The following COA1 variants were observed in gnomAD, a reference collection of about 807,000 sequenced individuals.
COA1 encodes the protein cytochrome c oxidase assembly factor 1.
In COA1, 13 loss-of-function variants were observed where a neutral mutation model predicts 16.0. The ratio of observed to expected loss-of-function variants is 0.81; its 90% CI spans 0.53 to 1.29. The LOEUF (loss-of-function observed/expected upper bound fraction) is 1.29. COA1 is among the 50% of genes most tolerant of loss of function. The pLI is 0.00. For synonymous variants in COA1, 65 were observed against 65.7 expected (o/e 0.99, Z 0.05); for missense variants, 179 against 177.0 (o/e 1.01, Z -0.06).
chr7:43,629,427 C>T (rs1173659130), intron 6 of COA1, among the ~76,000 whole-genome samples: 2 of 152,196 alleles, frequency 1.3e-5, no homozygotes, highest in Non-Finnish European at 2.9e-5. Context: ...CCATTTACTT[C>T]ATTTTTTCTC....
intron 2 of COA1, 95 bp downstream of exon 2, chr7:43,648,505 C>T (rs774375583): frequency 1.5e-6 from 2 of 1,293,936 alleles, no homozygotes; most frequent in South Asian, 2.4e-5. Flanking sequence ...AGGAGAAGCC[C>T]ATAACTATTC....
chr7:43,723,085 A>C (rs976530019), intron 1 of COA1, among the ~76,000 whole-genome samples: 1 of 152,232 alleles, frequency 6.6e-6, no homozygotes, highest in Non-Finnish European at 1.5e-5. Context: ...GACCTTATGA[A>C]AGCTGTTGCA....
chr7:43,638,019 G>C (rs943794735), downstream of COA1, among the ~76,000 whole-genome samples: 2 of 152,148 alleles, frequency 1.3e-5, no homozygotes, highest in East Asian at 1.9e-4. Flanking sequence ...GCACAAAACT[G>C]TACAGTGCTC....
chr7:43,638,749 G>C (rs904572056), downstream of COA1: 1 of 151,782 alleles, frequency 6.6e-6, no homozygotes, highest in African/African-American at 2.4e-5. Context: ...CTAATTTTTT[G>C]TATTTTCAGT....
chr7:43,657,093 GTAATA>G (rs947839689), intron 1 of COA1: 1 of 152,112 alleles, frequency 6.6e-6, no homozygotes, highest in African/African-American at 2.4e-5. Context: ...GAGAATTTGA[GTAATA>G]TAGTTTTTAC....
At chr7:43,722,584 G>C (rs1185409760) in intron 1 of COA1, among the ~76,000 whole-genome samples, 1 of 151,564 alleles carries the variant, frequency 6.6e-6, no homozygotes, top group Non-Finnish European at 1.5e-5. Flanking sequence ...TGTATTTTTA[G>C]TAGAGACGGG....
chr7:43,652,365 G>C (rs1305170490), intron 1 of COA1, among the ~76,000 whole-genome samples: 2 of 152,068 alleles, frequency 1.3e-5, no homozygotes, highest in African/African-American at 4.8e-5. Flanking sequence ...TACGGACCAG[G>C]CACCATGCAA....
At chr7:43,648,454 T>A (rs2090040344) in intron 2 of COA1, 146 bp downstream of exon 2, 5 of 846,884 alleles carry the variant, frequency 5.9e-6, no homozygotes, top group Middle Eastern at 2.2e-4. Flanking sequence ...AAAATGCCCA[T>A]CCCTCCTGTG....
chr7:43,681,212 C>T (rs2093756377), intron 1 of COA1, among the ~76,000 whole-genome samples: 1 of 152,172 alleles, frequency 6.6e-6, no homozygotes, highest in Non-Finnish European at 1.5e-5. Context: ...CCATTTTCTG[C>T]AGGATCAGCT....
At chr7:43,715,536 A>C (rs546298759) in intron 1 of COA1, among the ~76,000 whole-genome samples, 5 of 151,998 alleles carry the variant, frequency 3.3e-5, no homozygotes, top group African/African-American at 1.2e-4. Context: ...CTTAATGATT[A>C]ACTATTTTGG....
At chr7:43,674,642 T>G (rs571321947) in intron 1 of COA1, among the ~76,000 whole-genome samples, 1 of 152,342 alleles carries the variant, frequency 6.6e-6, no homozygotes, top group African/African-American at 2.4e-5. Context: ...ATAATTTTAG[T>G]CTGATGTAAT....
intron 1 of COA1, among the ~76,000 whole-genome samples, chr7:43,694,691 GCTCACTCTGGA>G (rs1383582821): frequency 6.6e-6 from 1 of 152,056 alleles, no homozygotes; most frequent in Non-Finnish European, 1.5e-5. Flanking sequence ...ATAGCCCAGG[GCTCACTCTGGA>G]CTTTCTCTTC....
downstream of COA1, among the ~76,000 whole-genome samples, chr7:43,637,643 T>C (rs996950104): frequency 2.0e-5 from 3 of 152,168 alleles, no homozygotes; most frequent in African/African-American, 4.8e-5. Context: ...TCTACTGCAG[T>C]GATCAAGTTC....
intron 1 of COA1, among the ~76,000 whole-genome samples, chr7:43,708,983 A>G (rs889273469): frequency 6.6e-6 from 1 of 150,764 alleles, no homozygotes; most frequent in Non-Finnish European, 1.5e-5. Context: ...AACTCTTCAT[A>G]CTGTAAGGTC....
chr7:43,646,445 A>G (rs2089320849), intron 3 of COA1: 1 of 412,146 alleles, frequency 2.4e-6, no homozygotes, highest in Admixed American at 2.6e-5. Flanking sequence ...CATCACACCA[A>G]TAAGGTAACT....
chr7:43,635,167 CTCAG>C (rs1288775348), downstream of COA1, among the ~76,000 whole-genome samples: 7 of 152,064 alleles, frequency 4.6e-5, no homozygotes, highest in Non-Finnish European at 7.4e-5. Context: ...TAAATATTGA[CTCAG>C]TCAAACCACC....
chr7:43,608,556 G>A (rs1306857300), exon 7 of COA1: 3 of 778,922 alleles, frequency 3.9e-6, no homozygotes, highest in Non-Finnish European at 5.9e-6. Flanking sequence ...TAGCCAGTTA[G>A]TTTTATCAGG....
chr7:43,616,669 G>A lies in COA1; in HGVS notation c.*134-7174C>T, dbSNP rs1410804482. On this transcript the variant is annotated intron_variant and NMD_transcript_variant, in intron 6 of 6. Coordinates refer to the COA1 transcript ENST00000415076. ...TCCCAGCACTTTGGGAGGCTGAGAC[G>A]GGCGGATCACGAGGTCAGGAGATCG... is the stretch of plus-strand genomic sequence containing the variant. Among the ~76,000 whole-genome samples, 37 of 152,104 alleles carry A rather than the reference G, an allele frequency of 2.4e-4. 1 individual carries two copies. The highest frequency in any genetic ancestry group is 2.4e-3 in the Admixed American group (36 of 15,278).
chr7:43,642,614 CAAG>C (rs1191250100), intron 4 of COA1, among the ~76,000 whole-genome samples: 1 of 152,140 alleles, frequency 6.6e-6, no homozygotes, highest in Non-Finnish European at 1.5e-5. Flanking sequence ...TGGGCAGAAG[CAAG>C]AAGGATTCTG....
Sources: allele counts gnomAD v4.1 joint callset (sites outside exome capture counted in the v4.1 genomes callset), GRCh38; gene constraint gnomAD v4.1.1; transcripts MANE v1.5; gene names NCBI Gene and HGNC (gene_info 2026-07-23, HGNC 2026-07-21).